Variants in DTNA observed in about 807,000 individuals in gnomAD.
The protein encoded by DTNA is dystrobrevin alpha.
A neutral mutation model predicts 100.7 loss-of-function variants in DTNA; 43 were observed. The observed-to-expected ratio is 0.43, with a 90% CI of 0.33 to 0.55. The LOEUF (loss-of-function observed/expected upper bound fraction) is 0.55, where lower values mean the gene tolerates loss of function less well. DTNA is among the 20% of genes least tolerant of loss of function. The pLI is 0.04. For missense variants in DTNA, 798 were observed against 953.9 expected (o/e 0.84, Z 2.15); for synonymous variants, 349 against 347.9 (o/e 1.00, Z -0.04).
Position 34,637,737 on chromosome 18 carries a change from A to G in DTNA, c.-1-118239A>G, listed in dbSNP as rs1463205543. On this transcript the variant is annotated intron_variant, in intron 1 of 19. Transcript: ENST00000283365. ...ATCCCAGCTTATGAAACCCCAAAGC[A>G]GTTTATTAAATTCTGTAGTGATAAA... Among the ~76,000 whole-genome samples, 3 of 152,348 alleles carry G rather than the reference A, an allele frequency of 2.0e-5. No homozygotes were observed. In the East Asian group the frequency reaches 5.8e-4, roughly 29 times the overall value.
At chr18:34,700,214 C>T (rs1208044368) in intron 1 of DTNA, among the ~76,000 whole-genome samples, 1 of 152,072 alleles carries the variant, frequency 6.6e-6, no homozygotes, top group African/African-American at 2.4e-5. Context: ...TATGGATGAC[C>T]CAATCAATAC....
At chr18:34,560,638 G>C (rs1041191686) in intron 1 of DTNA, among the ~76,000 whole-genome samples, 2 of 152,174 alleles carry the variant, frequency 1.3e-5, no homozygotes, top group Non-Finnish European at 2.9e-5. Context: ...GGGCGCTATG[G>C]CTCACTCCTG....
intron 1 of DTNA, among the ~76,000 whole-genome samples, chr18:34,736,957 C>T (rs1446581501): frequency 4.6e-5 from 7 of 152,196 alleles, no homozygotes; most frequent in Non-Finnish European, 1.0e-4. Flanking sequence ...GAGAAAGGCA[C>T]ATAGTGCAGG....
At chr18:34,790,548 A>G (rs564224447) in intron 3 of DTNA, among the ~76,000 whole-genome samples, 5 of 119,066 alleles carry the variant, frequency 4.2e-5, no homozygotes, top group South Asian at 2.9e-4. Flanking sequence ...TAAGCAGCAT[A>G]CTATATATAT....
chr18:34,877,684 C>T (rs1263532510), intron 18 of DTNA, 35 bp from the exon 19 acceptor site: 3 of 1,582,958 alleles, frequency 1.9e-6, no homozygotes, highest in East Asian at 2.2e-5. Flanking sequence ...TAGAAGGAAG[C>T]TTTGGTTTTT....
Position 34,888,358 on chromosome 18 carries a change from G to A in DTNA, c.*624G>A, listed in dbSNP as rs190607495. 44 of 985,704 alleles carry A rather than the reference G, an allele frequency of 4.5e-5. No homozygotes were observed. In the African/African-American group the frequency reaches 4.9e-4, roughly 11 times the overall value. 61.1% of individuals were successfully genotyped at this position (985,704 alleles called of 1,614,324 possible). On this transcript the variant is annotated 3_prime_UTR_variant, in exon 23 of 23. Transcript: ENST00000444659. ...TCCTGAGTGTACAAACTCAGAGCCC[G>A]GAAGCCAAGAAGGGTCCTTGGCCTG...
At chr18:34,669,661 G>T (rs988676985) in intron 1 of DTNA, among the ~76,000 whole-genome samples, 1 of 152,142 alleles carries the variant, frequency 6.6e-6, no homozygotes, top group African/African-American at 2.4e-5. Context: ...GTCTGTAAAG[G>T]ATTTTATTTC....
chr18:34,515,720 A>C lies in DTNA; in HGVS notation c.-2+22206A>C, dbSNP rs532951068. 1.8e-4 allele frequency among the ~76,000 whole-genome samples: 27 copies of C among 152,208 alleles called. No individual in the cohort carries two copies. In the South Asian group the frequency reaches 5.4e-3, roughly 30 times the overall value. On this transcript the variant is annotated intron_variant, in intron 1 of 19. Transcript: ENST00000283365. ...CCAGAGATTAGATTTTCTCGTAACC[A>C]ACAAATGCTGTCCCAAAACCACCTT...
At chr18:34,854,067 C>A (rs994935651) in intron 15 of DTNA, among the ~76,000 whole-genome samples, 1 of 152,100 alleles carries the variant, frequency 6.6e-6, no homozygotes, top group Non-Finnish European at 1.5e-5. Context: ...GGGCTCGAAG[C>A]AAACAATGTA....
intron 1 of DTNA, among the ~76,000 whole-genome samples, chr18:34,615,743 AC>A (rs1026585167): frequency 6.6e-5 from 10 of 151,608 alleles, no homozygotes; most frequent in African/African-American, 2.4e-4. Flanking sequence ...CACTCCTCCC[AC>A]CCTCCACTCT....
intron 1 of DTNA, among the ~76,000 whole-genome samples, chr18:34,676,093 G>A (rs141084337): frequency 1.1e-4 from 16 of 152,258 alleles, no homozygotes; most frequent in Non-Finnish European, 1.3e-4. Context: ...ACAGAATCTG[G>A]GCTGAGAGGA....
intron 21 of DTNA, among the ~76,000 whole-genome samples, chr18:34,882,791 A>G (rs578247452): frequency 6.6e-6 from 1 of 152,366 alleles, no homozygotes; most frequent in African/African-American, 2.4e-5. Flanking sequence ...ATTAAGAAAG[A>G]TGCTTTTTCT....
chr18:34,494,290 C>T (rs540474929), intron 1 of DTNA, among the ~76,000 whole-genome samples: 3 of 148,234 alleles, frequency 2.0e-5, no homozygotes, highest in Non-Finnish European at 3.0e-5. Context: ...CAGCCAGCGG[C>T]GTCCTTTCGT....
intron 1 of DTNA, among the ~76,000 whole-genome samples, chr18:34,620,312 A>T (rs1041427757): frequency 6.6e-5 from 10 of 152,360 alleles, no homozygotes; most frequent in South Asian, 4.1e-4. Context: ...AACGTTTTTT[A>T]AATGTCAATT....
intron 1 of DTNA, among the ~76,000 whole-genome samples, chr18:34,579,690 G>A (rs970547401): frequency 6.6e-6 from 1 of 152,120 alleles, no homozygotes. Context: ...TCCTCTGGCT[G>A]CTTTTAAGAT....
chr18:34,847,979 GA>G (rs1354830188), intron 13 of DTNA, among the ~76,000 whole-genome samples: 5 of 152,256 alleles, frequency 3.3e-5, no homozygotes, highest in Non-Finnish European at 7.4e-5. Context: ...AAAAAGGAAA[GA>G]AAAAATGTTA....
At chr18:34,636,713 A>G (rs1162755822) in intron 1 of DTNA, among the ~76,000 whole-genome samples, 1 of 152,194 alleles carries the variant, frequency 6.6e-6, no homozygotes, top group African/African-American at 2.4e-5. Flanking sequence ...TGAGGAACAG[A>G]ACCATACAGA....
chr18:34,549,784 A>G (rs1221818598), intron 1 of DTNA, among the ~76,000 whole-genome samples: 3 of 151,992 alleles, frequency 2.0e-5, no homozygotes, highest in Admixed American at 6.6e-5. Context: ...TGTAACAACT[A>G]TTGCCTTTTA....
chr18:34,615,211 G>C (rs528515714), intron 1 of DTNA, among the ~76,000 whole-genome samples: 1 of 151,974 alleles, frequency 6.6e-6, no homozygotes, highest in Non-Finnish European at 1.5e-5. Context: ...AGAAGCAAGA[G>C]AAAGAGTGGA....
Sources: allele counts gnomAD v4.1 joint callset (sites outside exome capture counted in the v4.1 genomes callset), GRCh38; gene constraint gnomAD v4.1.1; transcripts MANE v1.5; gene names NCBI Gene and HGNC (gene_info 2026-07-23, HGNC 2026-07-21).